CTNND2: variants seen among roughly 807,000 people sequenced by gnomAD.
CTNND2 encodes the protein catenin delta 2, also known as catenin delta-2.
CTNND2 carries 22 observed loss-of-function variants against 144.4 expected under a neutral mutation model. The observed-to-expected ratio is 0.15, with a 90% CI of 0.11 to 0.22. CTNND2 has a LOEUF of 0.22. CTNND2 is among the 10% of genes least tolerant of loss of function. The pLI is 1.00. For missense variants in CTNND2, 1,353 were observed against 1,618.8 expected, an observed-to-expected ratio of 0.84 and a Z score of 2.82; for synonymous variants, 751 against 695.6, an observed-to-expected ratio of 1.08 and a Z score of -1.25.
intron 9 of CTNND2, among the ~76,000 whole-genome samples, chr5:11,337,400 AAG>A (rs1195144480): frequency 2.6e-5 from 4 of 152,114 alleles, no homozygotes; most frequent in Non-Finnish European, 4.4e-5. Flanking sequence ...AATGCAGATG[AAG>A]AGAGAGATTT....
rs114419403 is a variant in CTNND2 at position 11,833,402 on chromosome 5, T to C, written c.37+70415A>G. Among the ~76,000 whole-genome samples the C allele has an allele frequency of 3.4e-3, 511 of 152,242 alleles. 3 individuals are homozygous for C. The highest frequency in any genetic ancestry group is 4.2e-3 in the Non-Finnish European group (285 of 68,002). On this transcript the variant is annotated intron_variant, in intron 1 of 21. Transcript: ENST00000304623. ...ACTATGTATAGCATGATTCTATTTA[T>C]ATGACATTCGGAAAAAGGCAAAATT...
At chr5:11,025,793 TAA>T (rs1439289503) in intron 16 of CTNND2, among the ~76,000 whole-genome samples, 1 of 152,232 alleles carries the variant, frequency 6.6e-6, no homozygotes, top group African/African-American at 2.4e-5. Flanking sequence ...CTTTTTAACC[TAA>T]GTTTCTAAAC....
chr5:11,357,872 C>A (rs1365984374), intron 8 of CTNND2, among the ~76,000 whole-genome samples: 1 of 151,920 alleles, frequency 6.6e-6, no homozygotes, highest in Non-Finnish European at 1.5e-5. Flanking sequence ...AATTTGAGAG[C>A]TTTTTCTATT....
chr5:11,745,914 C>T (rs1788283090), intron 1 of CTNND2, among the ~76,000 whole-genome samples: 17 of 152,154 alleles, frequency 1.1e-4, no homozygotes, highest in Admixed American at 1.1e-3. Flanking sequence ...AGAAACAAGA[C>T]TTCATGAAAA....
intron 16 of CTNND2, among the ~76,000 whole-genome samples, chr5:11,045,462 A>C (rs852637): frequency 0.75 from 114,652 of 152,076 alleles, 43,857 homozygotes; most frequent in East Asian, 0.92. Flanking sequence ...CCAAGCCATT[A>C]CTGAGGGATC....
intron 7 of CTNND2, among the ~76,000 whole-genome samples, chr5:11,379,136 T>C (rs1309118568): frequency 6.6e-6 from 1 of 152,230 alleles, no homozygotes; most frequent in African/African-American, 2.4e-5. Context: ...GAAAGGATTA[T>C]GTTATTCTCT....
intron 10 of CTNND2, among the ~76,000 whole-genome samples, chr5:11,206,430 C>A (rs1349832579): frequency 6.6e-6 from 1 of 152,126 alleles, no homozygotes; most frequent in Non-Finnish European, 1.5e-5. Flanking sequence ...AAAGGCCTCT[C>A]CATTTTTTTT....
chr5:11,692,722 T>G (rs1254589558), intron 2 of CTNND2, among the ~76,000 whole-genome samples: 3 of 152,202 alleles, frequency 2.0e-5, no homozygotes, highest in Non-Finnish European at 4.4e-5. Flanking sequence ...CTGCCTCAGC[T>G]TCCTGAGTAG....
At chr5:11,179,780 G>A (rs1673568779) in intron 11 of CTNND2, among the ~76,000 whole-genome samples, 1 of 152,112 alleles carries the variant, frequency 6.6e-6, no homozygotes, top group African/African-American at 2.4e-5. Flanking sequence ...ATATGTAATT[G>A]GCTTGGAGAA....
chr5:11,066,188 C>T (rs112823238), intron 16 of CTNND2, among the ~76,000 whole-genome samples: 15,417 of 152,090 alleles, frequency 0.1, 986 homozygotes, highest in Non-Finnish European at 0.14. Context: ...TACAGGTGCA[C>T]GCCACCATAC....
At chr5:11,203,524 C>A (rs1268237220) in intron 10 of CTNND2, among the ~76,000 whole-genome samples, 1 of 152,164 alleles carries the variant, frequency 6.6e-6, no homozygotes, top group Non-Finnish European at 1.5e-5. Context: ...CTCACTGCAA[C>A]CTCCGCCTCC....
intron 8 of CTNND2, among the ~76,000 whole-genome samples, chr5:11,350,493 A>G (rs1441986701): frequency 2.0e-5 from 3 of 152,184 alleles, no homozygotes; most frequent in South Asian, 2.1e-4. Context: ...AAAAGATTAT[A>G]TATTTAAAAA....
At chr5:11,587,719 T>C (rs1040372853) in intron 2 of CTNND2, among the ~76,000 whole-genome samples, 8 of 152,232 alleles carry the variant, frequency 5.3e-5, no homozygotes, top group African/African-American at 1.9e-4. Flanking sequence ...TAGAGATAAA[T>C]ACTTAAGGAC....
In CTNND2 at chr5:10,980,597, G is replaced by A. The variant is rs573830891; in HGVS notation, c.3417+1176C>T. On this transcript the variant is annotated intron_variant, in intron 21 of 21. Transcript: ENST00000304623. Reference sequence around the variant, plus strand: ...TTCTACTATAAAGACACATGTACACGTACATTTATTGTGGCACTCTATTCA... The same window carrying A: ...TTCTACTATAAAGACACATGTACACATACATTTATTGTGGCACTCTATTCA... 1.4e-4 allele frequency among the ~76,000 whole-genome samples: 20 copies of A among 141,138 alleles called. No individual in the cohort carries two copies. In the East Asian group the frequency reaches 2.8e-3, roughly 20 times the overall value. The allele number at this position is 141,138 out of a possible 152,430, so 92.6% of individuals were successfully genotyped here.
intron 9 of CTNND2, among the ~76,000 whole-genome samples, chr5:11,288,142 A>G (rs1747941870): frequency 6.6e-6 from 1 of 152,176 alleles, no homozygotes; most frequent in South Asian, 2.1e-4. Context: ...GTTTTTGCAT[A>G]AAACATGCCA....
At chr5:11,565,729 T>C (rs764114417) in intron 2 of CTNND2, among the ~76,000 whole-genome samples, 24 of 152,186 alleles carry the variant, frequency 1.6e-4, no homozygotes, top group Non-Finnish European at 2.9e-4. Context: ...AAATCCACTG[T>C]TGAAAACTTT....
At chr5:11,880,914 CACT>C (rs201906150) in intron 1 of CTNND2, among the ~76,000 whole-genome samples, 93 of 137,688 alleles carry the variant, frequency 6.8e-4, no homozygotes, top group African/African-American at 1.6e-3. Context: ...CTACTACCAC[CACT>C]ACTACTACCA....
At chr5:11,161,085 A>G (rs1225821081) in intron 11 of CTNND2, among the ~76,000 whole-genome samples, 1 of 152,264 alleles carries the variant, frequency 6.6e-6, no homozygotes, top group African/African-American at 2.4e-5. Context: ...ATAATCCTTC[A>G]GTACAGGGGG....
intron 2 of CTNND2, among the ~76,000 whole-genome samples, chr5:11,716,675 GTTTATTTA>G (rs112407519): frequency 1.7e-4 from 26 of 151,224 alleles, no homozygotes; most frequent in Admixed American, 5.9e-4. Flanking sequence ...TTACTTATTT[GTTTATTTA>G]TTTATTTATT....
Sources: gnomAD v4.1 joint callset for allele counts (sites outside exome capture counted in the v4.1 genomes callset) on GRCh38, gnomAD v4.1.1 for gene constraint, MANE v1.5 for transcripts, NCBI Gene and HGNC (gene_info 2026-07-23, HGNC 2026-07-21) for gene names.